Variants in FAP observed in about 807,000 individuals in gnomAD.
FAP encodes fibroblast activation protein alpha, also known as prolyl endopeptidase FAP.
FAP carries 110 observed loss-of-function variants against 126.5 expected under a neutral mutation model. That is an observed-to-expected ratio of 0.87 (90% CI 0.74 to 1.02). The LOEUF (loss-of-function observed/expected upper bound fraction) is 1.02. FAP is among the 50% of genes least tolerant of loss of function. The pLI is 0.00. For missense variants in FAP, 919 were observed against 909.2 expected, an observed-to-expected ratio of 1.01 and a Z score of -0.14; for synonymous variants, 334 against 297.3, an observed-to-expected ratio of 1.12 and a Z score of -1.27.
intron 2 of FAP, among the ~76,000 whole-genome samples, chr2:162,240,012 G>A (rs1295536027): frequency 6.6e-6 from 1 of 152,092 alleles, no homozygotes; most frequent in Non-Finnish European, 1.5e-5. Flanking sequence ...AAAAATAAGG[G>A]GAAGTCAAGG....
chr2:162,181,283 G>T (rs919563884), intron 21 of FAP, among the ~76,000 whole-genome samples: 5 of 150,572 alleles, frequency 3.3e-5, no homozygotes, highest in Admixed American at 1.3e-4. Context: ...TCTCAAAAAA[G>T]AAAAAAAATA....
intron 2 of FAP, among the ~76,000 whole-genome samples, chr2:162,232,095 T>A (rs1194300657): frequency 6.6e-6 from 1 of 152,016 alleles, no homozygotes; most frequent in African/African-American, 2.4e-5. Context: ...AGTATTAGGA[T>A]GGGAAATATA....
intron 25 of FAP, chr2:162,171,970 G>C (rs1042952490): frequency 6.6e-6 from 1 of 151,908 alleles, no homozygotes; most frequent in Non-Finnish European, 1.5e-5. Flanking sequence ...AATTATCATT[G>C]ACCATAATTT....
chr2:162,185,271 C>A (rs925368031), intron 20 of FAP, among the ~76,000 whole-genome samples: 2 of 152,260 alleles, frequency 1.3e-5, no homozygotes, highest in South Asian at 4.1e-4. Flanking sequence ...GGAATCATAG[C>A]GATCAATTAT....
chr2:162,243,334 A>G lies in FAP; in HGVS notation c.-7T>C. 6.2e-7 allele frequency: 1 copy of G among 1,610,470 alleles called. No homozygotes were observed. On this transcript the variant is annotated 5_prime_UTR_variant, in exon 1 of 26. Transcript: ENST00000188790. ...TGCTTATACTAACCTTCATTTTTCC[A>G]GATGTTTTTGAAAGTTAGCTAATTC...
intron 2 of FAP, among the ~76,000 whole-genome samples, chr2:162,239,537 T>A (rs1442085988): frequency 2.6e-5 from 4 of 152,156 alleles, no homozygotes; most frequent in African/African-American, 7.2e-5. Context: ...ACAGGGATGA[T>A]ATTCTGGGAT....
At chr2:162,227,503 A>G (rs1689705381) in intron 2 of FAP, among the ~76,000 whole-genome samples, 1 of 152,134 alleles carries the variant, frequency 6.6e-6, no homozygotes, top group Non-Finnish European at 1.5e-5. Flanking sequence ...GCCATTCTCC[A>G]TCTCTCCCAC....
intron 14 of FAP, among the ~76,000 whole-genome samples, chr2:162,201,806 T>C (rs1008360817): frequency 1.3e-5 from 2 of 152,186 alleles, no homozygotes; most frequent in African/African-American, 4.8e-5. Flanking sequence ...AGAGCATCTA[T>C]TACATTGCCA....
At chr2:162,230,923 G>A (rs997106077) in intron 2 of FAP, among the ~76,000 whole-genome samples, 3 of 152,302 alleles carry the variant, frequency 2.0e-5, no homozygotes, top group Admixed American at 6.5e-5. Context: ...CACGGTAGGT[G>A]GGTGAGGCTG....
Position 162,209,991 on chromosome 2 carries a change from C to G in FAP, c.1008G>C (p.Gln336His). 6.2e-7 allele frequency: 1 copy of G among 1,612,750 alleles called. No individual in the cohort carries two copies. The highest frequency in any genetic ancestry group is 8.5e-7 in the Non-Finnish European group (1 of 1,179,410). ...DWQTWDCPKT[Q>H]EHIEESRTGW... ...CAGTTCTGCTTTCTTCTATATGCTC[C>G]TGGGTCTAAAAGACAAAAGATCACA... Residue 336 changes from glutamine to histidine, a missense_variant, in exon 12 of 26, where the codon CAG becomes CAC. Physicochemically the swap from Gln to His is conservative, Grantham distance 24. Transcript: ENST00000188790.
intron 9 of FAP, among the ~76,000 whole-genome samples, chr2:162,217,217 A>G (rs946952225): frequency 5.3e-5 from 8 of 152,362 alleles, no homozygotes; most frequent in African/African-American, 1.9e-4. Context: ...AGCCACGACA[A>G]TATTCCCCTT....
At chr2:162,196,990 A>C (rs1454962724) in intron 16 of FAP, among the ~76,000 whole-genome samples, 1 of 152,226 alleles carries the variant, frequency 6.6e-6, no homozygotes, top group Non-Finnish European at 1.5e-5. Context: ...TCATCTCTTC[A>C]GTGGGCACAC....
chr2:162,185,788 A>G (rs1215384720), intron 20 of FAP, among the ~76,000 whole-genome samples: 1 of 152,152 alleles, frequency 6.6e-6, no homozygotes, highest in Non-Finnish European at 1.5e-5. Flanking sequence ...CTACAGTAGA[A>G]GTATTATAAT....
chr2:162,205,040 T>C lies in FAP; in HGVS notation c.1048-1895A>G, dbSNP rs1156905028. On this transcript the variant is annotated intron_variant, in intron 12 of 25. Coordinates refer to ENST00000188790, the MANE Select transcript of FAP (RefSeq NM_004460.5). ...TCTATGACCCAATGAGGCCGACTCC[T>C]AGTGTAGCCAACCAGTGGTTTATCT... 2.0e-5 allele frequency among the ~76,000 whole-genome samples: 3 copies of C among 152,208 alleles called. No homozygotes were observed. In the East Asian group the frequency reaches 5.8e-4, roughly 29 times the overall value.
intron 14 of FAP, among the ~76,000 whole-genome samples, chr2:162,201,020 T>C (rs1329301084): frequency 1.3e-5 from 2 of 152,158 alleles, no homozygotes; most frequent in Non-Finnish European, 2.9e-5. Context: ...GCCCTGTCAA[T>C]AGATGGGTTT....
In FAP at chr2:162,170,918, C is replaced by T. The variant is rs1413152100; in HGVS notation, c.*61G>A. ...CAACATAAAAAATAAAATAAGCAAA[C>T]TGTCTGAGGGGTTTATATAAGGTTT... On this transcript the variant is annotated 3_prime_UTR_variant, in exon 26 of 26. Coordinates refer to ENST00000188790, the MANE Select transcript of FAP (RefSeq NM_004460.5). The T allele has an allele frequency of 5.8e-6, 7 of 1,199,974 alleles. No individual in the cohort carries two copies. In the African/African-American group the frequency reaches 6.1e-5, roughly 10 times the overall value. The allele number at this position is 1,199,974 out of a possible 1,614,324, so 74.3% of individuals were successfully genotyped here.
intron 25 of FAP, 65 bp downstream of exon 25, chr2:162,172,746 T>C (rs1020863044): frequency 9.4e-7 from 1 of 1,066,260 alleles, no homozygotes; most frequent in Non-Finnish European, 1.4e-6. Flanking sequence ...AAAATAAAAA[T>C]ATGAACCCCT....
At chr2:162,199,099 G>A (rs1320826185) in intron 15 of FAP, among the ~76,000 whole-genome samples, 1 of 152,134 alleles carries the variant, frequency 6.6e-6, no homozygotes, top group African/African-American at 2.4e-5. Context: ...TGAGGAAGAA[G>A]CCCTATGTGG....
At chr2:162,223,705 AAGCTT>A (rs751964387) in intron 5 of FAP, 45 bp from the exon 6 acceptor site, 7 of 1,261,698 alleles carry the variant, frequency 5.5e-6, no homozygotes, top group Non-Finnish European at 8.1e-6. Context: ...AGTTGTTAAA[AAGCTT>A]ATATCAATAA....
Sources: allele counts gnomAD v4.1 joint callset (sites outside exome capture counted in the v4.1 genomes callset), GRCh38; gene constraint gnomAD v4.1.1; transcripts MANE v1.5; gene names NCBI Gene and HGNC (gene_info 2026-07-23, HGNC 2026-07-21).